FER1L6: variants seen among roughly 807,000 people sequenced by gnomAD.
FER1L6 encodes fer-1 like family member 6, also known as fer-1-like protein 6.
In FER1L6, 177 loss-of-function variants were observed where a neutral mutation model predicts 219.2. The ratio of observed to expected loss-of-function variants is 0.81; its 90% CI spans 0.71 to 0.91. FER1L6 has a LOEUF of 0.91. FER1L6 is among the 40% of genes least tolerant of loss of function. FER1L6 has a pLI of 0.00. For synonymous variants in FER1L6, 768 were observed against 824.3 expected (o/e 0.93, Z 1.17); for missense variants, 2,153 against 2,259.9 (o/e 0.95, Z 0.96).
intron 22 of FER1L6, among the ~76,000 whole-genome samples, chr8:124,058,145 A>C (rs6987738): frequency 0.018 from 2,745 of 152,264 alleles, 83 homozygotes; most frequent in African/African-American, 0.063. Context: ...AGGGAGACAG[A>C]AAGGAGAAAG....
intron 3 of FER1L6, among the ~76,000 whole-genome samples, chr8:123,964,238 C>T (rs1031417283): frequency 1.1e-4 from 16 of 152,316 alleles, no homozygotes; most frequent in Admixed American, 3.9e-4. Flanking sequence ...CAGAGTAAGC[C>T]AATGACTGGG....
At chr8:124,082,263 C>G in intron 32 of FER1L6, 25 bp from the exon 33 acceptor site, 1 of 1,598,194 alleles carries the variant, frequency 6.3e-7, no homozygotes, top group Non-Finnish European at 8.5e-7. Context: ...TTAACTGACT[C>G]TTGAAGTCTC....
At position 123,956,078 on chromosome 8, in the gene FER1L6, A is replaced by G; in HGVS notation, c.76+4A>G. 1.2e-6 allele frequency: 2 copies of G among 1,608,718 alleles called. No individual in the cohort carries two copies. The highest frequency in any genetic ancestry group is 1.7e-5 in the Admixed American group (1 of 59,406). On this transcript the variant is annotated splice_donor_region_variant and intron_variant, in intron 2 of 40. Coordinates refer to ENST00000522917, the MANE Select transcript of FER1L6 (RefSeq NM_001039112.2). Reference sequence around the variant, plus strand: ...CTAGCCAACAAGGCTGCGAAAGGTGAGGCTGGGGGTGGGGTGCTGACCATT... The same window carrying G: ...CTAGCCAACAAGGCTGCGAAAGGTGGGGCTGGGGGTGGGGTGCTGACCATT...
chr8:123,950,432 C>G (rs1814708323), intron 1 of FER1L6, among the ~76,000 whole-genome samples: 1 of 152,180 alleles, frequency 6.6e-6, no homozygotes, highest in African/African-American at 2.4e-5. Flanking sequence ...CAGCCTTGCC[C>G]TCTTGCCATT....
intron 25 of FER1L6, among the ~76,000 whole-genome samples, chr8:124,062,540 A>G (rs1820633836): frequency 6.6e-6 from 1 of 152,196 alleles, no homozygotes; most frequent in Admixed American, 6.5e-5. Context: ...ATGATGCTAT[A>G]ATTTTCATTT....
chr8:124,003,033 A>G (rs1007062907), intron 12 of FER1L6, 134 bp from the exon 13 acceptor site: 3 of 690,558 alleles, frequency 4.3e-6, no homozygotes, highest in Non-Finnish European at 7.7e-6. Flanking sequence ...TGGTCTGATC[A>G]TTGCTCTTTC....
intron 17 of FER1L6, 119 bp from the exon 18 acceptor site, chr8:124,023,325 G>A: frequency 3.1e-6 from 3 of 972,934 alleles, no homozygotes; most frequent in Middle Eastern, 4.4e-4. Context: ...GTCAGTCACA[G>A]CATTTGTTTT....
chr8:123,971,850 C>T (rs138026068), intron 6 of FER1L6, among the ~76,000 whole-genome samples: 3 of 152,280 alleles, frequency 2.0e-5, no homozygotes, highest in Non-Finnish European at 2.9e-5. Context: ...TGCAGGGCTC[C>T]CAGTACTCTG....
intron 38 of FER1L6, among the ~76,000 whole-genome samples, chr8:124,101,664 T>A (rs1037487380): frequency 1.3e-5 from 2 of 152,218 alleles, no homozygotes; most frequent in African/African-American, 4.8e-5. Flanking sequence ...GGGGCGGAGC[T>A]GTAATTGTTG....
chr8:123,962,961 C>A (rs1815363687), intron 2 of FER1L6, among the ~76,000 whole-genome samples: 1 of 152,068 alleles, frequency 6.6e-6, no homozygotes, highest in Admixed American at 6.6e-5. Context: ...TCTGGGGTCC[C>A]CTTGGGTGGG....
rs1030017605 is a variant in FER1L6 at position 124,057,770 on chromosome 8, CTT to C, written c.2875-2405_2875-2404del. Among the ~76,000 whole-genome samples, 94 of 152,270 alleles carry C rather than the reference CTT, an allele frequency of 6.2e-4. 1 individual carries two copies. Among genetic ancestry groups the C allele is most frequent in the African/African-American group, 2.1e-3 (88 of 41,554 alleles). Reference sequence around the variant, plus strand: ...ATCTTCCAGCTCATTTCTCCTGCCTCTTTTTTAAAACCTATTCACTAAGTTCT... The same window carrying C: ...ATCTTCCAGCTCATTTCTCCTGCCTCTTTTAAAACCTATTCACTAAGTTCT... On this transcript the variant is annotated intron_variant, in intron 22 of 40. Coordinates refer to ENST00000522917, the MANE Select transcript of FER1L6 (RefSeq NM_001039112.2).
At chr8:123,937,873 G>A (rs1008642617) in intron 1 of FER1L6, among the ~76,000 whole-genome samples, 5 of 152,066 alleles carry the variant, frequency 3.3e-5, no homozygotes, top group African/African-American at 1.2e-4. Context: ...AAAACCCCAA[G>A]AGATGACAGC....
At chr8:123,935,968 T>C (rs1035299109) in intron 1 of FER1L6, among the ~76,000 whole-genome samples, 2 of 148,566 alleles carry the variant, frequency 1.3e-5, no homozygotes, top group African/African-American at 2.5e-5. Context: ...AAAAATCAAA[T>C]CTGAAAATGT....
intron 1 of FER1L6, among the ~76,000 whole-genome samples, chr8:123,903,958 C>G (rs1444040731): frequency 6.6e-6 from 1 of 152,116 alleles, no homozygotes; most frequent in Non-Finnish European, 1.5e-5. Flanking sequence ...GCACTTCTGC[C>G]AATCAAATCC....
At chr8:123,966,333 C>T in intron 5 of FER1L6, 43 bp downstream of exon 5, 1 of 1,609,584 alleles carries the variant, frequency 6.2e-7, no homozygotes, top group South Asian at 1.1e-5. Flanking sequence ...CTAAGATTCT[C>T]TTCACCACCA....
chr8:124,085,985 A>C (rs1821771019), intron 33 of FER1L6, among the ~76,000 whole-genome samples: 1 of 152,026 alleles, frequency 6.6e-6, no homozygotes, highest in Admixed American at 6.6e-5. Context: ...CTCCTTTTAT[A>C]GTTCTTGTCT....
rs534249584 is a variant in FER1L6 at position 124,050,316 on chromosome 8, G to A, written c.2874+560G>A. On this transcript the variant is annotated intron_variant, in intron 22 of 40. Coordinates refer to ENST00000522917, the MANE Select transcript of FER1L6 (RefSeq NM_001039112.2). ...CTATACAGTTTTGCAAAGACAAAGA[G>A]ATCTTAGTCCTTCCCACTAAGACCA... 6.6e-5 allele frequency among the ~76,000 whole-genome samples: 10 copies of A among 152,290 alleles called. No individual in the cohort carries two copies. In the South Asian group the frequency reaches 1.7e-3, roughly 25 times the overall value.
At chr8:124,081,614 AAAAAAAAAAAAG>A (rs940627664) in intron 32 of FER1L6, among the ~76,000 whole-genome samples, 1 of 149,976 alleles carries the variant, frequency 6.7e-6, no homozygotes, top group Non-Finnish European at 1.5e-5. Flanking sequence ...CCAAAAAAAA[AAAAAAAAAAAAG>A]GGCAGGTCCC....
At chr8:123,918,477 G>A (rs932122611) in intron 1 of FER1L6, among the ~76,000 whole-genome samples, 6 of 152,048 alleles carry the variant, frequency 3.9e-5, no homozygotes, top group Non-Finnish European at 7.4e-5. Flanking sequence ...ATGTGCAATC[G>A]CATCCTCAGG....
Sources: allele counts gnomAD v4.1 joint callset (sites outside exome capture counted in the v4.1 genomes callset), GRCh38; gene constraint gnomAD v4.1.1; transcripts MANE v1.5; gene names NCBI Gene and HGNC (gene_info 2026-07-23, HGNC 2026-07-21).